VIPR2: variants seen among roughly 807,000 people sequenced by gnomAD.
VIPR2 encodes vasoactive intestinal polypeptide receptor 2.
VIPR2 carries 48 observed loss-of-function variants against 58.0 expected under a neutral mutation model. That is an observed-to-expected ratio of 0.83 (90% CI 0.66 to 1.05). VIPR2 has a LOEUF of 1.05. Among genes scored for constraint, VIPR2 ranks in the 50% least tolerant of loss-of-function variants. VIPR2 has a pLI of 0.00. For missense variants in VIPR2, 534 were observed against 558.0 expected, an observed-to-expected ratio of 0.96 and a Z score of 0.43; for synonymous variants, 243 against 235.2, an observed-to-expected ratio of 1.03 and a Z score of -0.30.
chr7:159,048,306 G>C (rs1854772446), intron 5 of VIPR2, among the ~76,000 whole-genome samples: 1 of 152,200 alleles, frequency 6.6e-6, no homozygotes, highest in African/African-American at 2.4e-5. Context: ...TTCAAAGTTA[G>C]ATCAACTCTT....
intron 3 of VIPR2, among the ~76,000 whole-genome samples, chr7:159,106,842 G>A: frequency 6.7e-6 from 1 of 150,028 alleles, no homozygotes; most frequent in African/African-American, 2.5e-5. Flanking sequence ...AGAGGCCAGG[G>A]AGGCACACAG....
chr7:159,132,852 C>A (rs1235646), intron 2 of VIPR2, among the ~76,000 whole-genome samples: 3,528 of 37,874 alleles, frequency 0.093, 113 homozygotes, highest in African/African-American at 0.15. Context: ...ATTGGCATAC[C>A]GATTGATTTT....
At chr7:159,054,717 T>G (rs548105314) in intron 5 of VIPR2, among the ~76,000 whole-genome samples, 1 of 152,348 alleles carries the variant, frequency 6.6e-6, no homozygotes, top group South Asian at 2.1e-4. Flanking sequence ...CTAGTGGGTG[T>G]GTACACTGGT....
chr7:159,058,402 TG>T, intron 5 of VIPR2, 78 bp downstream of exon 5: 1 of 1,200,678 alleles, frequency 8.3e-7, no homozygotes. Flanking sequence ...GGCTCCAGGC[TG>T]GGTGGCGCCT....
At chr7:159,118,255 G>A (rs1473528172) in intron 2 of VIPR2, among the ~76,000 whole-genome samples, 1 of 152,196 alleles carries the variant, frequency 6.6e-6, no homozygotes, top group Non-Finnish European at 1.5e-5. Context: ...CGCCGCTTCT[G>A]CCCCAAACGG....
chr7:159,061,473 C>T (rs572797780), intron 4 of VIPR2, among the ~76,000 whole-genome samples: 130 of 151,696 alleles, frequency 8.6e-4, no homozygotes, highest in African/African-American at 3.1e-3. Flanking sequence ...AGAGTGACAC[C>T]CCCGTCTCCA....
chr7:159,092,051 C>T (rs1202347881), intron 4 of VIPR2, among the ~76,000 whole-genome samples: 15 of 152,190 alleles, frequency 9.9e-5, no homozygotes, highest in Admixed American at 5.2e-4. Context: ...AAGATTATGC[C>T]GCTGAACTCC....
intron 3 of VIPR2, among the ~76,000 whole-genome samples, chr7:159,107,565 A>G (rs1405853827): frequency 2.0e-5 from 3 of 152,212 alleles, no homozygotes; most frequent in Admixed American, 1.3e-4. Context: ...CCGGGTGGGA[A>G]GAGGACTTGC....
intron 2 of VIPR2, among the ~76,000 whole-genome samples, chr7:159,139,676 G>A (rs1016209777): frequency 4.6e-5 from 7 of 152,326 alleles, no homozygotes; most frequent in African/African-American, 1.7e-4. Flanking sequence ...TCAGCCATGC[G>A]CCTCTGAAGG....
intron 5 of VIPR2, among the ~76,000 whole-genome samples, chr7:159,045,016 C>T (rs1854563314): frequency 6.6e-6 from 1 of 152,180 alleles, no homozygotes; most frequent in Admixed American, 6.5e-5. Context: ...TGTGATCCGC[C>T]TGCCTTGGCC....
chr7:159,137,552 GT>G (rs1033444464), intron 2 of VIPR2, among the ~76,000 whole-genome samples: 6 of 152,064 alleles, frequency 3.9e-5, no homozygotes, highest in African/African-American at 1.4e-4. Context: ...AAGTTAAAAA[GT>G]TTTTTTGGTG....
In VIPR2 at chr7:159,099,873, G is replaced by A. The variant is rs906013136; in HGVS notation, c.357+3884C>T. On this transcript the variant is annotated intron_variant, in intron 4 of 12. Coordinates refer to ENST00000262178, the MANE Select transcript of VIPR2 (RefSeq NM_003382.5). This position sits in a 1 kb window ranked among gnomAD's most constrained non-coding sequence, Gnocchi z 4.2. ...TGCTGTGATCTCACACACCAGAGCC[G>A]CTGTCAGCCATGGTGTGTGATGACA... 1.3e-5 allele frequency among the ~76,000 whole-genome samples: 2 copies of A among 152,096 alleles called. No homozygotes were observed. The highest frequency in any genetic ancestry group is 2.4e-5 in the African/African-American group (1 of 41,400).
At chr7:159,074,634 G>C (rs1209117599) in intron 4 of VIPR2, among the ~76,000 whole-genome samples, 2 of 152,184 alleles carry the variant, frequency 1.3e-5, no homozygotes, top group African/African-American at 2.4e-5. Context: ...TTACTGCAAC[G>C]TGAATAGACT....
intron 6 of VIPR2, among the ~76,000 whole-genome samples, chr7:159,042,040 G>A (rs189657629): frequency 1.8e-4 from 27 of 152,266 alleles, no homozygotes; most frequent in East Asian, 5.8e-4. Context: ...CAGGCATCAC[G>A]CGCCAGCTTA....
intron 2 of VIPR2, among the ~76,000 whole-genome samples, chr7:159,126,148 G>C (rs1563349315): frequency 6.6e-6 from 1 of 152,174 alleles, no homozygotes; most frequent in East Asian, 1.9e-4. Context: ...GGCCCACACT[G>C]CCAGACTCCT....
At chr7:159,091,739 C>G (rs1857518897) in intron 4 of VIPR2, among the ~76,000 whole-genome samples, 1 of 152,200 alleles carries the variant, frequency 6.6e-6, no homozygotes, top group African/African-American at 2.4e-5. Flanking sequence ...ATACTCAGAG[C>G]TGCGGCTGGG....
At chr7:159,038,582 G>A (rs1437227003) in intron 6 of VIPR2, among the ~76,000 whole-genome samples, 2 of 152,102 alleles carry the variant, frequency 1.3e-5, no homozygotes, top group African/African-American at 2.4e-5. Context: ...AATAAATCAA[G>A]TTTTAAAATC....
chr7:159,128,131 T>C lies in VIPR2; in HGVS notation c.151+14315A>G, dbSNP rs1796723063. Among the ~76,000 whole-genome samples, 1 of 152,136 alleles carries C rather than the reference T, an allele frequency of 6.6e-6. No individual in the cohort carries two copies. Among genetic ancestry groups the C allele is most frequent in the South Asian group, 2.1e-4 (1 of 4,830 alleles). The stretch of plus-strand genomic sequence containing the variant: ...CTCTCCTTCAGGCTCCTGCTGCCTC[T>C]GCCCCTGAGGGATGTGACGGGGGTG... On this transcript the variant is annotated intron_variant, in intron 2 of 12. Coordinates refer to ENST00000262178, the MANE Select transcript of VIPR2 (RefSeq NM_003382.5). This position sits in a 1 kb window ranked among gnomAD's most constrained non-coding sequence, Gnocchi z 4.1.
At chr7:159,061,604 G>T (rs149429207) in intron 4 of VIPR2, among the ~76,000 whole-genome samples, 1 of 151,686 alleles carries the variant, frequency 6.6e-6, no homozygotes, top group Non-Finnish European at 1.5e-5. Flanking sequence ...CCTAAGCTGT[G>T]ATCACACCAC....
Sources: allele counts gnomAD v4.1 joint callset (sites outside exome capture counted in the v4.1 genomes callset), GRCh38; gene constraint gnomAD v4.1.1; non-coding constraint Gnocchi (gnomAD v3.1); transcripts MANE v1.5; gene names NCBI Gene and HGNC (gene_info 2026-07-23, HGNC 2026-07-21).